Variants in ZNF581 observed in about 807,000 individuals in gnomAD.
ZNF581 encodes the protein zinc finger protein 581.
ZNF581 carries 1 observed loss-of-function variant against 1.2 expected under a neutral mutation model. The observed-to-expected ratio is 0.83, with a 90% CI of 0.30 to 3.95. The LOEUF (loss-of-function observed/expected upper bound fraction) is 3.95. Among genes scored for constraint, ZNF581 ranks in the 30% most tolerant of loss-of-function variants. The pLI is 0.18. For missense variants in ZNF581, 273 were observed against 274.6 expected, an observed-to-expected ratio of 0.99 and a Z score of 0.04; for synonymous variants, 105 against 109.2, an observed-to-expected ratio of 0.96 and a Z score of 0.24.
upstream of ZNF581, chr19:55,641,062 C>A (rs1982431211): frequency 2.0e-6 from 2 of 985,152 alleles, no homozygotes. Context: ...CCCGCGTCCC[C>A]GGCGCCGCCG....
exon 1 of ZNF581, chr19:55,635,530 C>T (rs992462355): frequency 6.4e-6 from 2 of 313,412 alleles, no homozygotes; most frequent in African/African-American, 4.5e-5. Flanking sequence ...TCTGCCCCCT[C>T]TGCGCTGTGG....
At chr19:55,642,648 C>G, upstream of ZNF581, 1 of 1,431,658 alleles carries the variant, frequency 7.0e-7, no homozygotes, top group Non-Finnish European at 9.2e-7. Context: ...GGGCCCCGAC[C>G]CCCGCGGCTG....
upstream of ZNF581, among the ~76,000 whole-genome samples, chr19:55,639,199 T>TG (rs144479370): frequency 0.015 from 2,338 of 151,952 alleles, 54 homozygotes; most frequent in African/African-American, 0.052. Context: ...AACTTGGGGT[T>TG]GGGGGAGGGT....
upstream of ZNF581, chr19:55,642,392 G>A (rs1473417120): frequency 2.3e-6 from 3 of 1,317,162 alleles, no homozygotes; most frequent in Non-Finnish European, 2.9e-6. Flanking sequence ...AGTCAGTGGC[G>A]CACAAAGGGT....
At chr19:55,641,219 T>C (rs970180210), upstream of ZNF581, 11 of 975,776 alleles carry the variant, frequency 1.1e-5, no homozygotes, top group Middle Eastern at 5.3e-4. Context: ...AGCCTGGCCC[T>C]GGGACGACGC....
Position 55,645,147 on chromosome 19 carries a change from G to A in ZNF581, c.576G>A (p.Thr192=), listed in dbSNP as rs1239431578. 3.3e-6 allele frequency: 5 copies of A among 1,515,432 alleles called. No homozygotes were observed. Among genetic ancestry groups the A allele is most frequent in the Non-Finnish European group, 4.4e-6 (5 of 1,129,438 alleles). The allele number at this position is 1,515,432 out of a possible 1,614,324, so 93.9% of individuals were successfully genotyped here. A position where few individuals can be genotyped will look rare whatever the true frequency, so the allele number is the denominator to read the frequency against. The change falls in exon 2 of 2, where the codon ACG becomes ACA. Residue 192 remains threonine (T), a synonymous_variant. Coordinates refer to ENST00000270451, the MANE Select transcript of ZNF581 (RefSeq NM_016535.4). ...FMEQNTLQKH[T]RWKHP ...AGCAGAACACACTGCAGAAACACACGCGGTGGAAGCATCCATGAGCCGGGC... is the reference window on the plus strand; with the variant it reads ...AGCAGAACACACTGCAGAAACACACACGGTGGAAGCATCCATGAGCCGGGC...
chr19:55,641,830 G>A (rs751597803), upstream of ZNF581: 2 of 157,370 alleles, frequency 1.3e-5, no homozygotes, highest in Non-Finnish European at 2.8e-5. Flanking sequence ...GTGGGGAGAG[G>A]TGACTAGACT....
upstream of ZNF581, chr19:55,640,317 A>G (rs1350870301): frequency 1.0e-6 from 1 of 985,002 alleles, no homozygotes; most frequent in Non-Finnish European, 1.2e-6. Context: ...CAAGTGCCCC[A>G]GGACCTGGCG....
chr19:55,637,563 G>A (rs1247766306), upstream of ZNF581, among the ~76,000 whole-genome samples: 1 of 151,996 alleles, frequency 6.6e-6, no homozygotes, highest in Admixed American at 6.6e-5. Flanking sequence ...CAAAAAAAAC[G>A]AGAGGGGAGG....
chr19:55,638,470 C>G (rs1175690959), upstream of ZNF581, among the ~76,000 whole-genome samples: 1 of 152,096 alleles, frequency 6.6e-6, no homozygotes, highest in South Asian at 2.1e-4. Flanking sequence ...ATCTTGACCT[C>G]GTAATCTGCC....
chr19:55,642,356 C>G, upstream of ZNF581: 1 of 1,273,964 alleles, frequency 7.8e-7, no homozygotes, highest in Non-Finnish European at 9.9e-7. Flanking sequence ...GGGCTGGAGT[C>G]ACAGTTTTTA....
chr19:55,636,532 AT>A (rs1206518468), upstream of ZNF581, among the ~76,000 whole-genome samples: 1 of 152,198 alleles, frequency 6.6e-6, no homozygotes, highest in African/African-American at 2.4e-5. Context: ...TCATGTATTC[AT>A]TCAACCAATA....
At chr19:55,643,203 T>C, upstream of ZNF581, 1 of 1,138,414 alleles carries the variant, frequency 8.8e-7, no homozygotes, top group East Asian at 3.2e-5. Context: ...ACCCCCTTTC[T>C]AGCTGTGTGA....
upstream of ZNF581, chr19:55,642,946 C>T (rs1982621295): frequency 1.4e-6 from 2 of 1,436,518 alleles, no homozygotes; most frequent in African/African-American, 1.5e-5. Flanking sequence ...GCGCCCGCGC[C>T]GGGCCGCCGC....
chr19:55,636,013 G>T (rs991108803), intron 1 of ZNF581, among the ~76,000 whole-genome samples: 5 of 152,182 alleles, frequency 3.3e-5, no homozygotes, highest in African/African-American at 1.2e-4. Flanking sequence ...GTGAGATGCC[G>T]TGTGTGCTTG....
upstream of ZNF581, chr19:55,640,469 G>C (rs1982385454): frequency 1.0e-6 from 1 of 985,364 alleles, no homozygotes; most frequent in South Asian, 4.7e-5. Context: ...CTCCCCACCT[G>C]CGCATGCAGC....
upstream of ZNF581, among the ~76,000 whole-genome samples, chr19:55,638,438 C>T (rs933324357): frequency 6.6e-6 from 1 of 152,110 alleles, no homozygotes; most frequent in African/African-American, 2.4e-5. Context: ...CAGGTTACAC[C>T]GTGTTGGCCA....
At chr19:55,639,256 C>G (rs1033062580), upstream of ZNF581, among the ~76,000 whole-genome samples, 2 of 152,104 alleles carry the variant, frequency 1.3e-5, no homozygotes, top group Non-Finnish European at 2.9e-5. Flanking sequence ...GCTCAACACT[C>G]TACAGTGCAC....
upstream of ZNF581, chr19:55,640,404 A>T (rs543381523): frequency 4.1e-6 from 4 of 985,470 alleles, no homozygotes; most frequent in Non-Finnish European, 4.8e-6. Flanking sequence ...CATCTGGCAA[A>T]GCCTGGCCTT....
Sources: allele counts gnomAD v4.1 joint callset (sites outside exome capture counted in the v4.1 genomes callset), GRCh38; gene constraint gnomAD v4.1.1; transcripts MANE v1.5; gene names NCBI Gene and HGNC (gene_info 2026-07-23, HGNC 2026-07-21).